Variants in CSNK1D observed in about 807,000 individuals in gnomAD.
CSNK1D encodes the protein casein kinase I isoform delta.
CSNK1D carries 16 observed loss-of-function variants against 46.6 expected under a neutral mutation model. The observed-to-expected ratio is 0.34, with a 90% CI of 0.23 to 0.52. CSNK1D has a LOEUF of 0.52. Ranked by LOEUF, CSNK1D falls within the 20% of genes least tolerant of loss-of-function variation. The pLI, the probability that CSNK1D is intolerant of heterozygous loss-of-function variation, is 0.95. For synonymous variants in CSNK1D, 276 were observed against 228.2 expected, an observed-to-expected ratio of 1.21 and a Z score of -1.89; for missense variants, 398 against 578.4, an observed-to-expected ratio of 0.69 and a Z score of 3.20.
chr17:82,264,658 G>C (rs922321826), intron 2 of CSNK1D, among the ~76,000 whole-genome samples: 3 of 152,146 alleles, frequency 2.0e-5, no homozygotes, highest in African/African-American at 4.8e-5. Flanking sequence ...CAAAGCATGC[G>C]AAGGAGCAGA....
rs1418134522 is a variant in CSNK1D at position 82,252,083 on chromosome 17, G to A, written c.736+351C>T. 1.3e-5 allele frequency among the ~76,000 whole-genome samples: 2 copies of A among 152,130 alleles called. No homozygotes were observed. The highest frequency in any genetic ancestry group is 2.1e-4 in the South Asian group (1 of 4,824). ...CCTACAAATGCAAAGGAAATCTCCC[G>A]AGCTCCTGGAGGGGGCCAGAGAGGG... On this transcript the variant is annotated intron_variant, in intron 5 of 8. Coordinates refer to ENST00000314028, the MANE Select transcript of CSNK1D (RefSeq NM_001893.6). The surrounding 1 kb of genome is among the most constrained non-coding windows in gnomAD (Gnocchi z 4.6).
intron 2 of CSNK1D, among the ~76,000 whole-genome samples, chr17:82,263,125 G>C (rs996030727): frequency 2.4e-4 from 36 of 152,204 alleles, no homozygotes; most frequent in African/African-American, 7.7e-4. Context: ...GGTTGCAGTG[G>C]GCCAAGATTG....
chr17:82,244,578 G>A lies in CSNK1D; in HGVS notation c.*203C>T, dbSNP rs1214794690. On this transcript the variant is annotated 3_prime_UTR_variant, in exon 9 of 9. Coordinates refer to ENST00000314028, the MANE Select transcript of CSNK1D (RefSeq NM_001893.6). ...TACAACCGAGTTCACGTGGGGGGCC[G>A]CAGTGCAGCCCCAGCGGTGGCAGCT... 5.3e-6 allele frequency: 8 copies of A among 1,496,936 alleles called. No individual in the cohort carries two copies. The highest frequency in any genetic ancestry group is 4.1e-5 in the Admixed American group (2 of 48,942). The allele number at this position is 1,496,936 out of a possible 1,614,324, so 92.7% of individuals were successfully genotyped here. A position where few individuals can be genotyped will look rare whatever the true frequency, so the allele number is the denominator to read the frequency against.
At chr17:82,246,525 T>G in intron 8 of CSNK1D, 1 of 1,062,260 alleles carries the variant, frequency 9.4e-7, no homozygotes, top group South Asian at 2.9e-5. Context: ...ACTCAGCAAC[T>G]AGATGGCCTT....
intron 8 of CSNK1D, chr17:82,246,270 A>G (rs1352449023): frequency 1.4e-6 from 2 of 1,437,930 alleles, no homozygotes; most frequent in Admixed American, 2.3e-5. Context: ...AAGGCCAACA[A>G]TGGCATGGGA....
chr17:82,271,229 C>A (rs1289653633), intron 1 of CSNK1D, among the ~76,000 whole-genome samples: 2 of 152,180 alleles, frequency 1.3e-5, no homozygotes, highest in East Asian at 3.8e-4. Context: ...GCAGCCACCA[C>A]CACGCCTGGC....
In CSNK1D at chr17:82,251,921, G is replaced by A. The variant is rs1256049792; in HGVS notation, c.737-394C>T. The A allele has an allele frequency of 9.1e-6, 3 of 328,090 alleles. No homozygotes were observed. Among genetic ancestry groups the A allele is most frequent in the Non-Finnish European group, 1.2e-5 (2 of 171,246 alleles). 20.3% of individuals were successfully genotyped at this position (328,090 alleles called of 1,614,324 possible). ...ACGCAGGAGAATGGTATGAACCCGG[G>A]AGGCGGAGCTTGCAGTGAGCCGAGA... On this transcript the variant is annotated intron_variant, in intron 5 of 8. Transcript: ENST00000314028. This position sits in a 1 kb window ranked among gnomAD's most constrained non-coding sequence, Gnocchi z 4.5.
In CSNK1D at chr17:82,243,409, T is replaced by C. The variant is rs1042693990; in HGVS notation, c.*1372A>G. ...TGGCCACTGGCTACCGCCCAAGTGCTGCGGAGTGAGAGGCGAGAAGGCATC... is the reference window on the plus strand; with the variant it reads ...TGGCCACTGGCTACCGCCCAAGTGCCGCGGAGTGAGAGGCGAGAAGGCATC... On this transcript the variant is annotated 3_prime_UTR_variant, in exon 9 of 9. Coordinates refer to ENST00000314028, the MANE Select transcript of CSNK1D (RefSeq NM_001893.6). The C allele has an allele frequency of 1.0e-6, 1 of 985,372 alleles. No homozygotes were observed. Among genetic ancestry groups the C allele is most frequent in the Non-Finnish European group, 1.2e-6 (1 of 829,974 alleles). 61.0% of individuals were successfully genotyped at this position (985,372 alleles called of 1,614,324 possible).
Position 82,252,199 on chromosome 17 carries a change from C to T in CSNK1D, c.736+235G>A, listed in dbSNP as rs569404815. Among the ~76,000 whole-genome samples, 6 of 152,344 alleles carry T rather than the reference C, an allele frequency of 3.9e-5. No individual in the cohort carries two copies. In the East Asian group the frequency reaches 1.2e-3, roughly 29 times the overall value. On this transcript the variant is annotated intron_variant, in intron 5 of 8. Coordinates refer to ENST00000314028, the MANE Select transcript of CSNK1D (RefSeq NM_001893.6). The surrounding 1 kb of genome is among the most constrained non-coding windows in gnomAD (Gnocchi z 4.6). ...GGCTCGGGCCTGCCTTGCCTGCCAT[C>T]TCTCCAGGGCCTCCAAGTACTCCCC...
Position 82,243,743 on chromosome 17 carries a change from G to C in CSNK1D, c.*1038C>G, listed in dbSNP as rs1465063039. 2 of 985,326 alleles carry C rather than the reference G, an allele frequency of 2.0e-6. No individual in the cohort carries two copies. 61.0% of individuals were successfully genotyped at this position (985,326 alleles called of 1,614,324 possible). ...TTTAAGCACAGGCATTCATACAGAC[G>C]GAGTGCCAATCCGCACAGGAGCATT... On this transcript the variant is annotated 3_prime_UTR_variant, in exon 9 of 9. Coordinates refer to ENST00000314028, the MANE Select transcript of CSNK1D (RefSeq NM_001893.6).
chr17:82,241,043 C>T (rs1290507090), downstream of CSNK1D, among the ~76,000 whole-genome samples: 3 of 150,952 alleles, frequency 2.0e-5, no homozygotes, highest in Non-Finnish European at 2.9e-5. Flanking sequence ...ATTCTAGTGC[C>T]AAAAGTGGTT....
chr17:82,242,214 G>C (rs966621502), downstream of CSNK1D, among the ~76,000 whole-genome samples: 18 of 120,850 alleles, frequency 1.5e-4, no homozygotes, highest in Middle Eastern at 8.1e-3. Flanking sequence ...GTGTGCTCTG[G>C]GGGGGGGGGG....
chr17:82,254,257 G>A (rs1426059117), intron 3 of CSNK1D: 9 of 265,240 alleles, frequency 3.4e-5, no homozygotes, highest in Non-Finnish European at 6.2e-5. Context: ...GCGCTGAGCC[G>A]CCGGAGCCTC....
rs896202847 is a variant in CSNK1D, at chr17:82,246,831, C to G, written c.1198-2000G>C. ...AAGAGCGACGGCCCGAGGAGGAAGA[C>G]TGGCCGGGGATGAGTCACTGCCCAC... is the stretch of plus-strand genomic sequence containing the variant. On this transcript the variant is annotated intron_variant, in intron 8 of 8. Transcript: ENST00000314028. The G allele has an allele frequency of 1.4e-5, 14 of 986,468 alleles. No individual in the cohort carries two copies. The East Asian group carries it at 1.0e-3, about 72-fold the overall frequency. The allele number at this position is 986,468 out of a possible 1,614,324, so 61.1% of individuals were successfully genotyped here. A position where few individuals can be genotyped will look rare whatever the true frequency, so the allele number is the denominator to read the frequency against.
rs962502845 is a variant in CSNK1D at position 82,249,380 on chromosome 17, C to T, written c.1057+51G>A. 9 of 1,522,146 alleles carry T rather than the reference C, an allele frequency of 5.9e-6. No homozygotes were observed. In the East Asian group the frequency reaches 2.0e-4, roughly 33 times the overall value. 94.3% of individuals were successfully genotyped at this position (1,522,146 alleles called of 1,614,324 possible). A position where few individuals can be genotyped will look rare whatever the true frequency, so the allele number is the denominator to read the frequency against. On this transcript the variant is annotated intron_variant, in intron 7 of 8. Transcript: ENST00000314028. The surrounding 1 kb of genome is among the most constrained non-coding windows in gnomAD (Gnocchi z 6.7). Reference sequence around the variant, plus strand: ...TGTTGTCCCCACCAACCCCAAGACACAAGAAGTCACCCCAGAGCCAGCCCC... The same window carrying T: ...TGTTGTCCCCACCAACCCCAAGACATAAGAAGTCACCCCAGAGCCAGCCCC...
chr17:82,239,131 A>G (rs2050699029), downstream of CSNK1D: 2 of 704,238 alleles, frequency 2.8e-6, no homozygotes, highest in Non-Finnish European at 4.4e-6. Flanking sequence ...TTGAGGGGGA[A>G]GGTGGCGGGG....
chr17:82,265,288 C>T, intron 2 of CSNK1D: 1 of 320,868 alleles, frequency 3.1e-6, no homozygotes, highest in Middle Eastern at 1.1e-3. Flanking sequence ...AGGCGATTCT[C>T]CTGCCTCAGC....
chr17:82,244,355 A>G lies in CSNK1D; in HGVS notation c.*426T>C. ...CAAAAACAGACAAGAAACAATAAAA[A>G]GACAGATTTTCTTTACACAGATTTA... On this transcript the variant is annotated 3_prime_UTR_variant, in exon 9 of 9. Coordinates refer to ENST00000314028, the MANE Select transcript of CSNK1D (RefSeq NM_001893.6). 9.0e-7 allele frequency: 1 copy of G among 1,106,050 alleles called. No homozygotes were observed. Among genetic ancestry groups the G allele is most frequent in the Non-Finnish European group, 1.1e-6 (1 of 900,908 alleles). 68.5% of individuals were successfully genotyped at this position (1,106,050 alleles called of 1,614,324 possible). A position where few individuals can be genotyped will look rare whatever the true frequency, so the allele number is the denominator to read the frequency against.
At chr17:82,246,086 C>CT in intron 8 of CSNK1D, 3 of 1,579,930 alleles carry the variant, frequency 1.9e-6, no homozygotes, top group Non-Finnish European at 2.6e-6. Context: ...CGCTGGCCCC[C>CT]TGACTACCTG....
Sources: gnomAD v4.1 joint callset for allele counts (sites outside exome capture counted in the v4.1 genomes callset) on GRCh38, gnomAD v4.1.1 for gene constraint, Gnocchi (gnomAD v3.1) non-coding constraint, MANE v1.5 for transcripts, NCBI Gene and HGNC (gene_info 2026-07-23, HGNC 2026-07-21) for gene names.